Variants in BRAP observed in about 807,000 individuals in gnomAD.
The protein encoded by BRAP is BRCA1 associated protein.
A neutral mutation model predicts 73.4 loss-of-function variants in BRAP; 42 were observed. That is an observed-to-expected ratio of 0.57 (90% confidence interval 0.45 to 0.74). The LOEUF (loss-of-function observed/expected upper bound fraction) is 0.74. Among genes scored for constraint, BRAP ranks in the 30% least tolerant of loss-of-function variants. The pLI is 0.00. For missense variants in BRAP, 593 were observed against 751.4 expected, an observed-to-expected ratio of 0.79 and a Z score of 2.46; for synonymous variants, 255 against 267.4, an observed-to-expected ratio of 0.95 and a Z score of 0.45.
chr12:111,646,727 C>A (rs765401105), intron 11 of BRAP, among the ~76,000 whole-genome samples: 4 of 151,474 alleles, frequency 2.6e-5, no homozygotes, highest in Non-Finnish European at 5.9e-5. Flanking sequence ...GAGTCGAGAT[C>A]GTGCCACTGC....
At chr12:111,671,883 G>A (rs991122303) in intron 5 of BRAP, among the ~76,000 whole-genome samples, 9 of 151,598 alleles carry the variant, frequency 5.9e-5, no homozygotes, top group Admixed American at 1.3e-4. Flanking sequence ...ACAGGGTTTC[G>A]TCATGTTGCC....
chr12:111,648,624 ACT>A (rs1886205570), intron 11 of BRAP, among the ~76,000 whole-genome samples: 1 of 139,622 alleles, frequency 7.2e-6, no homozygotes, highest in Non-Finnish European at 1.5e-5. Context: ...ACAGAGCAAG[ACT>A]CTGTCTAAAA....
At chr12:111,680,570 T>C (rs1592999431) in intron 3 of BRAP, among the ~76,000 whole-genome samples, 2 of 149,732 alleles carry the variant, frequency 1.3e-5, no homozygotes, top group African/African-American at 4.9e-5. Context: ...CGTGGTGGTG[T>C]GCACCTGTGG....
At chr12:111,655,139 A>G (rs1250379599) in intron 10 of BRAP, among the ~76,000 whole-genome samples, 2 of 152,166 alleles carry the variant, frequency 1.3e-5, no homozygotes, top group African/African-American at 4.8e-5. Context: ...TGAATAATGA[A>G]GTGCCAGTAT....
In BRAP at chr12:111,643,162, T is replaced by C. The variant is rs1344913800; in HGVS notation, c.*1037A>G. ...CCCCTCTGTTGGCCCACACAAGCGT[T>C]ATATGACTGTTCTAAAGGGGGCTCT... On this transcript the variant is annotated 3_prime_UTR_variant, in exon 12 of 12. Coordinates refer to ENST00000419234, the MANE Select transcript of BRAP (RefSeq NM_006768.5). 1 of 152,190 alleles carries C rather than the reference T, an allele frequency of 6.6e-6. No homozygotes were observed. The highest frequency in any genetic ancestry group is 1.5e-5 in the Non-Finnish European group (1 of 68,040). 9.4% of individuals were successfully genotyped at this position (152,190 alleles called of 1,614,324 possible). A position where few individuals can be genotyped will look rare whatever the true frequency, so the allele number is the denominator to read the frequency against.
intron 3 of BRAP, among the ~76,000 whole-genome samples, chr12:111,679,838 T>C (rs1404838090): frequency 7.0e-5 from 9 of 129,486 alleles, no homozygotes; most frequent in African/African-American, 2.1e-4. Context: ...TATCGCGCCA[T>C]TGCACTCCAG....
rs1294383312 is a variant in BRAP at position 111,658,742 on chromosome 12, C to T, written c.1215G>A (p.Gln405=). ...TCQEEKIDAL[Q]LEYSYLLTSQ... Reference sequence around the variant, plus strand: ...AACTCATTAAATCTCTTACCTCTAACTGTAAGGCATCTATTTTCTCTTCCT... The same window carrying T: ...AACTCATTAAATCTCTTACCTCTAATTGTAAGGCATCTATTTTCTCTTCCT... The change falls in exon 9 of 12, where the codon CAG becomes CAA. Residue 405 remains glutamine, a synonymous_variant. Coordinates refer to ENST00000419234, the MANE Select transcript of BRAP (RefSeq NM_006768.5). 1 of 1,578,142 alleles carries T rather than the reference C, an allele frequency of 6.3e-7. No homozygotes were observed. Among genetic ancestry groups the T allele is most frequent in the Non-Finnish European group, 8.7e-7 (1 of 1,147,802 alleles).
intron 9 of BRAP, among the ~76,000 whole-genome samples, chr12:111,657,627 C>T (rs986879125): frequency 1.3e-5 from 2 of 152,210 alleles, no homozygotes; most frequent in East Asian, 3.9e-4. Flanking sequence ...TGCCTATAAT[C>T]CCAGCACTTT....
At chr12:111,661,700 G>GT (rs1303806909) in intron 6 of BRAP, among the ~76,000 whole-genome samples, 1 of 147,340 alleles carries the variant, frequency 6.8e-6, no homozygotes, top group Admixed American at 6.8e-5. Context: ...AAAATCTGTA[G>GT]TAAAAAAAAA....
intron 10 of BRAP, among the ~76,000 whole-genome samples, chr12:111,654,938 A>T (rs190904611): frequency 6.6e-6 from 1 of 152,342 alleles, no homozygotes; most frequent in Non-Finnish European, 1.5e-5. Context: ...ACAGATGCTT[A>T]CTAGTTTTCA....
intron 5 of BRAP, among the ~76,000 whole-genome samples, chr12:111,666,187 C>T (rs775952399): frequency 3.3e-5 from 5 of 152,178 alleles, no homozygotes; most frequent in Admixed American, 1.3e-4. Context: ...ACTGGGAGTA[C>T]AGCGGTGAAC....
chr12:111,683,089 A>C, intron 2 of BRAP, 57 bp downstream of exon 2: 1 of 1,555,852 alleles, frequency 6.4e-7, no homozygotes, highest in Non-Finnish European at 8.7e-7. Context: ...ACCGTGTATA[A>C]AATAGGCAAC....
intron 11 of BRAP, 126 bp from the exon 12 acceptor site, chr12:111,644,688 T>C (rs1886039784): frequency 3.6e-6 from 5 of 1,383,900 alleles, no homozygotes; most frequent in Non-Finnish European, 4.9e-6. Context: ...CTTTCTCCCA[T>C]CGTGAGGGAG....
At chr12:111,667,781 G>A (rs1210853199) in intron 5 of BRAP, among the ~76,000 whole-genome samples, 2 of 145,082 alleles carry the variant, frequency 1.4e-5, no homozygotes, top group African/African-American at 5.2e-5. Flanking sequence ...ATCTCACAAA[G>A]TATATGTGGT....
chr12:111,681,062 C>G (rs114983961), intron 3 of BRAP, among the ~76,000 whole-genome samples: 3 of 152,186 alleles, frequency 2.0e-5, no homozygotes, highest in African/African-American at 7.2e-5. Context: ...ACCTTCCATG[C>G]CTATCTGCTA....
chr12:111,677,558 G>A (rs1449936792), intron 4 of BRAP, among the ~76,000 whole-genome samples: 1 of 152,204 alleles, frequency 6.6e-6, no homozygotes, highest in Non-Finnish European at 1.5e-5. Flanking sequence ...GGATTGTAGT[G>A]AGGATTAAAT....
chr12:111,664,399 G>A (rs1204605121), intron 6 of BRAP, among the ~76,000 whole-genome samples: 3 of 152,134 alleles, frequency 2.0e-5, no homozygotes, highest in African/African-American at 7.2e-5. Flanking sequence ...TATAGCAGAT[G>A]GACTGAAGAT....
intron 5 of BRAP, among the ~76,000 whole-genome samples, chr12:111,667,794 G>C (rs1309426582): frequency 6.6e-6 from 1 of 150,526 alleles, no homozygotes; most frequent in Non-Finnish European, 1.5e-5. Context: ...TATGTGGTGA[G>C]ATTCCAAAAA....
In BRAP at chr12:111,659,404, C is replaced by T. The variant is rs879195465; in HGVS notation, c.973-59G>A. 7.7e-5 allele frequency: 118 copies of T among 1,529,536 alleles called. 1 individual carries two copies. The South Asian group carries it at 1.2e-3, about 16-fold the overall frequency. The allele number at this position is 1,529,536 out of a possible 1,614,324, so 94.7% of individuals were successfully genotyped here. ...TAAAAATAAATGATCTGGCTGGGCG[C>T]GATGGCTCGGAGGCCGAGGCAGATG... On this transcript the variant is annotated intron_variant, in intron 7 of 11. Coordinates refer to ENST00000419234, the MANE Select transcript of BRAP (RefSeq NM_006768.5).
Sources: gnomAD v4.1 joint callset for allele counts (sites outside exome capture counted in the v4.1 genomes callset) on GRCh38, gnomAD v4.1.1 for gene constraint, MANE v1.5 for transcripts, NCBI Gene and HGNC (gene_info 2026-07-23, HGNC 2026-07-21) for gene names.